The following MAEL variants were observed in gnomAD, a reference collection of about 807,000 sequenced individuals.
The protein encoded by MAEL is maelstrom spermatogenic transposon silencer.
A neutral mutation model predicts 62.0 loss-of-function variants in MAEL; 46 were observed. The observed-to-expected ratio is 0.74, with a 90% CI of 0.59 to 0.95. MAEL has a LOEUF of 0.95. Among genes scored for constraint, MAEL ranks in the 40% least tolerant of loss-of-function variants. The pLI is 0.00. For synonymous variants in MAEL, 172 were observed against 175.5 expected (o/e 0.98, Z 0.16); for missense variants, 497 against 526.8 (o/e 0.94, Z 0.55).
intron 5 of MAEL, among the ~76,000 whole-genome samples, chr1:166,999,474 C>T (rs1664570195): frequency 6.6e-6 from 1 of 152,164 alleles, no homozygotes; most frequent in African/African-American, 2.4e-5. Flanking sequence ...GGTGAGGAAG[C>T]TGCAGAATAA....
intron 6 of MAEL, 79 bp downstream of exon 6, chr1:167,004,383 G>T: frequency 7.4e-7 from 1 of 1,352,744 alleles, no homozygotes; most frequent in South Asian, 1.6e-5. Flanking sequence ...ATTTTTGCCT[G>T]TGTATTTTTG....
chr1:166,996,334 T>C (rs895345784), intron 5 of MAEL, among the ~76,000 whole-genome samples: 1 of 152,238 alleles, frequency 6.6e-6, no homozygotes, highest in Non-Finnish European at 1.5e-5. Flanking sequence ...AGTGAGAGTA[T>C]AGGAGGTCCT....
At chr1:167,000,975 C>G (rs993969242) in intron 5 of MAEL, among the ~76,000 whole-genome samples, 2 of 152,134 alleles carry the variant, frequency 1.3e-5, no homozygotes, top group Non-Finnish European at 1.5e-5. Flanking sequence ...GCACAATTTG[C>G]AATTGCAAAA....
At chr1:167,020,058 C>G (rs866654751) in intron 10 of MAEL, among the ~76,000 whole-genome samples, 1 of 152,178 alleles carries the variant, frequency 6.6e-6, no homozygotes, top group Non-Finnish European at 1.5e-5. Context: ...TCTACTACCC[C>G]TGTGCTAACA....
chr1:166,995,427 G>A (rs568544986), intron 5 of MAEL, among the ~76,000 whole-genome samples: 86 of 151,970 alleles, frequency 5.7e-4, no homozygotes, highest in African/African-American at 2.0e-3. Context: ...TTTGTAGAGC[G>A]GGGGTTTCTC....
At chr1:166,989,269 C>G (rs978636197), upstream of MAEL, 3 of 1,516,162 alleles carry the variant, frequency 2.0e-6, no homozygotes, top group Non-Finnish European at 2.7e-6. Flanking sequence ...GCGCAGGCGC[C>G]TACCTCTGTT....
rs754979659 is a variant in MAEL at position 167,021,854 on chromosome 1, A to C, written c.1304A>C (p.Ter435SerextTer1). ...DGYKSFSSLS[*>S] ...TACAAATCTTTCTCTTCCTTATCTT[A>C]ATGATGGTACTCTTTTCAATTTCTG... The change falls in exon 12 of 12, where the codon TAA becomes TCA. Residue 435 changes from the stop codon to serine, a stop_lost. Transcript: ENST00000367872. 2 of 1,597,980 alleles carry C rather than the reference A, an allele frequency of 1.3e-6. No homozygotes were observed. The highest frequency in any genetic ancestry group is 8.6e-7 in the Non-Finnish European group (1 of 1,168,670).
At chr1:166,976,902 G>A (rs1663605212) in intron 1 of MAEL, among the ~76,000 whole-genome samples, 1 of 152,224 alleles carries the variant, frequency 6.6e-6, no homozygotes, top group Non-Finnish European at 1.5e-5. Context: ...GCAGAAGCCA[G>A]AAAGTCTAGA....
At chr1:167,008,725 A>G (rs980138865) in intron 8 of MAEL, among the ~76,000 whole-genome samples, 3 of 151,992 alleles carry the variant, frequency 2.0e-5, no homozygotes, top group Admixed American at 6.6e-5. Flanking sequence ...ATTGTTTTCA[A>G]TGAATTTACG....
chr1:167,007,181 TTA>T (rs1043498667), intron 8 of MAEL, among the ~76,000 whole-genome samples: 10 of 152,134 alleles, frequency 6.6e-5, no homozygotes, highest in Non-Finnish European at 1.2e-4. Flanking sequence ...TTTTTTTCAT[TTA>T]TATGAGCATG....
At chr1:167,009,939 T>A (rs1187081869) in intron 8 of MAEL, among the ~76,000 whole-genome samples, 2 of 152,186 alleles carry the variant, frequency 1.3e-5, no homozygotes, top group African/African-American at 2.4e-5. Context: ...GGGTGTGTTT[T>A]TATATTCTCA....
At chr1:167,009,439 G>A (rs1665070290) in intron 8 of MAEL, among the ~76,000 whole-genome samples, 1 of 152,062 alleles carries the variant, frequency 6.6e-6, no homozygotes, top group Non-Finnish European at 1.5e-5. Flanking sequence ...ACTGGAGTTA[G>A]TTGATCATTT....
At position 166,982,032 on chromosome 1, in the gene MAEL, A is replaced by C. The variant is rs144562828; in HGVS notation, c.-121+6366A>C. Among the ~76,000 whole-genome samples, 138 of 152,300 alleles carry C rather than the reference A, an allele frequency of 9.1e-4. 1 individual carries two copies. The Middle Eastern group carries it at 0.02, about 23-fold the overall frequency. ...GAGCTCAAGAAGTAACAAGCACCTA[A>C]CAAGGGGCAGCACGAAGAGAATGCT... On this transcript the variant is annotated intron_variant, in intron 1 of 12. Transcript: ENST00000622874.
chr1:166,989,460 C>T lies in MAEL; in HGVS notation c.108C>T (p.Ile36=). ...GLPVARVADA[I]PYCSSDWALL... ...CTGTGGCTCGCGTTGCTGATGCCAT[C>T]CCTTACTGCTCCTCAGACTGGGCGG... is the stretch of plus-strand genomic sequence containing the variant. Residue 36 remains isoleucine (I), a synonymous_variant, in exon 1 of 12, where the codon ATC becomes ATT. Coordinates refer to ENST00000367872, the MANE Select transcript of MAEL (RefSeq NM_032858.3). The T allele has an allele frequency of 2.5e-6, 4 of 1,587,696 alleles. No individual in the cohort carries two copies. Among genetic ancestry groups the T allele is most frequent in the Non-Finnish European group, 3.4e-6 (4 of 1,167,316 alleles).
intron 8 of MAEL, among the ~76,000 whole-genome samples, chr1:167,007,753 T>C (rs1483425083): frequency 6.6e-6 from 1 of 152,080 alleles, no homozygotes; most frequent in Non-Finnish European, 1.5e-5. Flanking sequence ...ATTTCCTTTC[T>C]CTGAGAATGA....
At chr1:166,996,374 T>G (rs1664427197) in intron 5 of MAEL, among the ~76,000 whole-genome samples, 1 of 152,258 alleles carries the variant, frequency 6.6e-6, no homozygotes, top group Non-Finnish European at 1.5e-5. Flanking sequence ...TTTAACCAGA[T>G]GAGCTCTGCT....
chr1:166,986,738 A>C (rs1267267563), upstream of MAEL, among the ~76,000 whole-genome samples: 1 of 152,180 alleles, frequency 6.6e-6, no homozygotes, highest in Admixed American at 6.5e-5. Flanking sequence ...TCAAGAAACT[A>C]AAAAAAGAAA....
At chr1:167,005,569 A>G in intron 8 of MAEL, 172 bp downstream of exon 8, 1 of 541,906 alleles carries the variant, frequency 1.8e-6, no homozygotes, top group South Asian at 3.5e-5. Context: ...TTACTTGTGT[A>G]TCACTAAAAA....
upstream of MAEL, chr1:166,989,143 C>T (rs185297654): frequency 1.0e-5 from 7 of 667,850 alleles, no homozygotes; most frequent in African/African-American, 3.6e-5. Context: ...GCTCTCCCCC[C>T]ACCTCACCCG....
Sources: gnomAD v4.1 joint callset for allele counts (sites outside exome capture counted in the v4.1 genomes callset) on GRCh38, gnomAD v4.1.1 for gene constraint, MANE v1.5 for transcripts, NCBI Gene and HGNC (gene_info 2026-07-23, HGNC 2026-07-21) for gene names.